Variants in AEBP2 observed in about 807,000 individuals in gnomAD.
AEBP2 encodes zinc finger protein AEBP2.
In AEBP2, 10 loss-of-function variants were observed where a neutral mutation model predicts 50.8. The observed-to-expected ratio is 0.20, with a 90% CI of 0.12 to 0.33. AEBP2 has a LOEUF of 0.33. Among genes scored for constraint, AEBP2 ranks in the 10% least tolerant of loss-of-function variants. The pLI is 1.00. For missense variants in AEBP2, 570 were observed against 688.0 expected (o/e 0.83, Z 1.92); for synonymous variants, 296 against 261.3 (o/e 1.13, Z -1.28).
chr12:19,430,721 TTTA>T (rs1276715769), intron 1 of AEBP2, among the ~76,000 whole-genome samples: 1 of 152,180 alleles, frequency 6.6e-6, no homozygotes, highest in Admixed American at 6.6e-5. Flanking sequence ...TCCTAGGTAT[TTTA>T]TTCTCTTTGA....
chr12:19,442,499 C>T (rs1195334465), intron 1 of AEBP2, among the ~76,000 whole-genome samples: 1 of 152,166 alleles, frequency 6.6e-6, no homozygotes, highest in Admixed American at 6.5e-5. Flanking sequence ...TGGTTAAGTA[C>T]ATTTAGGAAG....
At chr12:19,504,154 T>C (rs1252073741) in intron 5 of AEBP2, among the ~76,000 whole-genome samples, 2 of 152,002 alleles carry the variant, frequency 1.3e-5, no homozygotes, top group African/African-American at 2.4e-5. Flanking sequence ...ATAACCAATG[T>C]TGTCCCCTAA....
rs1185876370 is a variant in AEBP2, at chr12:19,522,027, T to C, written c.*3910T>C. ...TGTTGGGTACAGGTCTACAAGGAGATACTTTGTTTCTAAAAAAGGAGTTAA... is the reference window on the plus strand; with the variant it reads ...TGTTGGGTACAGGTCTACAAGGAGACACTTTGTTTCTAAAAAAGGAGTTAA... On this transcript the variant is annotated 3_prime_UTR_variant, in exon 8 of 8. Transcript: ENST00000266508. The C allele has an allele frequency of 1.3e-5, 2 of 152,112 alleles. No individual in the cohort carries two copies. Among genetic ancestry groups the C allele is most frequent in the Non-Finnish European group, 2.9e-5 (2 of 68,002 alleles). The allele number at this position is 152,112 out of a possible 1,614,324, so 9.4% of individuals were successfully genotyped here.
intron 1 of AEBP2, among the ~76,000 whole-genome samples, chr12:19,424,023 T>C (rs1399015060): frequency 6.6e-6 from 1 of 152,178 alleles, no homozygotes; most frequent in Non-Finnish European, 1.5e-5. Flanking sequence ...TCTGGGAGGC[T>C]CTCAGCAGAG....
upstream of AEBP2, among the ~76,000 whole-genome samples, chr12:19,435,363 C>T (rs1310412659): frequency 1.3e-5 from 2 of 151,924 alleles, no homozygotes; most frequent in Non-Finnish European, 2.9e-5. Flanking sequence ...TCACTGCAAC[C>T]TCCACCTCCC....
intron 3 of AEBP2, among the ~76,000 whole-genome samples, chr12:19,492,730 G>A (rs1316710172): frequency 6.6e-6 from 1 of 152,046 alleles, no homozygotes; most frequent in African/African-American, 2.4e-5. Flanking sequence ...TCTGTGGGGG[G>A]CCTAGGCAAA....
chr12:19,467,607 C>G (rs1015298806), intron 2 of AEBP2, among the ~76,000 whole-genome samples: 3 of 152,222 alleles, frequency 2.0e-5, no homozygotes, highest in African/African-American at 4.8e-5. Flanking sequence ...GTCCGTACGT[C>G]TATGTGTGAC....
chr12:19,441,164 A>T (rs185675278), intron 1 of AEBP2, among the ~76,000 whole-genome samples: 76 of 152,344 alleles, frequency 5.0e-4, no homozygotes, highest in Non-Finnish European at 8.8e-4. Context: ...ATGATTTTAA[A>T]TGATAATATT....
intron 5 of AEBP2, among the ~76,000 whole-genome samples, chr12:19,509,520 C>T (rs12297158): frequency 0.41 from 62,576 of 151,842 alleles, 14,395 homozygotes; most frequent in Non-Finnish European, 0.54. Context: ...CTGAGGTAGG[C>T]AGATCAGCTG....
chr12:19,507,671 C>T (rs908541527), intron 5 of AEBP2, among the ~76,000 whole-genome samples: 1 of 151,632 alleles, frequency 6.6e-6, no homozygotes, highest in Non-Finnish European at 1.5e-5. Context: ...ATTTTTTTTC[C>T]TGGGGAAGGA....
chr12:19,497,450 C>A (rs572800780), intron 4 of AEBP2, among the ~76,000 whole-genome samples: 1 of 140,842 alleles, frequency 7.1e-6, no homozygotes, highest in Admixed American at 8.0e-5. Flanking sequence ...TGTGATCTTT[C>A]AACCTTTTTG....
chr12:19,423,158 A>G (rs1473149097), intron 1 of AEBP2, among the ~76,000 whole-genome samples: 1 of 150,488 alleles, frequency 6.6e-6, no homozygotes, highest in African/African-American at 2.4e-5. Flanking sequence ...ATTCACAGCT[A>G]TATGCCCAGT....
chr12:19,497,328 G>GATTTT lies in AEBP2; in HGVS notation c.1175-2769_1175-2768insATTTT, dbSNP rs1555186666. 9.0e-3 allele frequency among the ~76,000 whole-genome samples: 706 copies of GATTTT among 78,700 alleles called. 25 individuals are homozygous for GATTTT. Among genetic ancestry groups the GATTTT allele is most frequent in the African/African-American group, 0.034 (670 of 19,452 alleles). The allele number at this position is 78,700 out of a possible 152,430, so 51.6% of individuals were successfully genotyped here. A position where few individuals can be genotyped will look rare whatever the true frequency, so the allele number is the denominator to read the frequency against. On this transcript the variant is annotated intron_variant, in intron 4 of 7. Transcript: ENST00000266508. ...TTCTATTTTTGTGGTTTCCAAAGGT[G>GATTTT]TTTTTTTTTTTTTTTTTTTTTTTTG...
At chr12:19,484,760 T>TA (rs1247686413) in intron 3 of AEBP2, among the ~76,000 whole-genome samples, 1 of 152,126 alleles carries the variant, frequency 6.6e-6, no homozygotes, top group East Asian at 1.9e-4. Flanking sequence ...TTTTTTTTCT[T>TA]AATTTTTTTT....
intron 3 of AEBP2, among the ~76,000 whole-genome samples, chr12:19,481,160 A>G (rs118180669): frequency 0.026 from 3,088 of 117,320 alleles, 41 homozygotes; most frequent in East Asian, 0.058. Flanking sequence ...GAGTGTAGTG[A>G]TGCTATCTCC....
chr12:19,504,411 G>A (rs10841246), intron 5 of AEBP2, among the ~76,000 whole-genome samples: 24,692 of 149,732 alleles, frequency 0.16, 3,614 homozygotes, highest in African/African-American at 0.39. Context: ...TAATTTTTTT[G>A]TATTTTTTTT....
At chr12:19,453,881 C>G in intron 1 of AEBP2, among the ~76,000 whole-genome samples, 1 of 150,428 alleles carries the variant, frequency 6.6e-6, no homozygotes, top group East Asian at 2.0e-4. Flanking sequence ...ACTGCAAACT[C>G]CACCTCCACG....
intron 1 of AEBP2, among the ~76,000 whole-genome samples, chr12:19,460,273 CTTAAGCTAACAAAATTCATG>C (rs1698255120): frequency 2.0e-5 from 3 of 152,086 alleles, no homozygotes; most frequent in Admixed American, 2.0e-4. Flanking sequence ...ATAAAGCTTA[CTTAAGCTAACAAAATTCATG>C]TAAATTTTCT....
intron 1 of AEBP2, chr12:19,457,193 G>A (rs1490883626): frequency 2.5e-6 from 4 of 1,597,982 alleles, no homozygotes; most frequent in Non-Finnish European, 3.4e-6. Flanking sequence ...CCGACAATTA[G>A]TTGTTTCACA....
Sources: allele counts gnomAD v4.1 joint callset (sites outside exome capture counted in the v4.1 genomes callset), GRCh38; gene constraint gnomAD v4.1.1; transcripts MANE v1.5; gene names NCBI Gene and HGNC (gene_info 2026-07-23, HGNC 2026-07-21).